Variants in SMARCA2 observed in about 807,000 individuals in gnomAD.
SMARCA2 encodes SWI/SNF-related matrix-associated actin-dependent regulator of chromatin subfamily A member 2.
In SMARCA2, 61 loss-of-function variants were observed where a neutral mutation model predicts 199.8. That is an observed-to-expected ratio of 0.31 (90% CI 0.25 to 0.38). SMARCA2 has a LOEUF of 0.38. Among genes scored for constraint, SMARCA2 ranks in the 10% least tolerant of loss-of-function variants. SMARCA2 has a pLI of 1.00. For synonymous variants in SMARCA2, 935 were observed against 732.0 expected, an observed-to-expected ratio of 1.28 and a Z score of -4.48; for missense variants, 1,344 against 2,012.2, an observed-to-expected ratio of 0.67 and a Z score of 6.35.
At chr9:2,177,426 T>C (rs1481026592) in intron 29 of SMARCA2, among the ~76,000 whole-genome samples, 2 of 152,210 alleles carry the variant, frequency 1.3e-5, no homozygotes, top group African/African-American at 2.4e-5. Flanking sequence ...CTATTAGCTA[T>C]TCTGGTCAAC....
chr9:2,193,404 T>C lies in SMARCA2; in HGVS notation c.*665T>C, dbSNP rs1028862776. ...GTTTTGTTGAAAGCGCTATTGAATA[T>C]TGCAATCTATATAGTGTATTGGATG... On this transcript the variant is annotated 3_prime_UTR_variant, in exon 34 of 34. Coordinates refer to ENST00000349721, the MANE Select transcript of SMARCA2 (RefSeq NM_003070.5). 1.3e-5 allele frequency: 2 copies of C among 152,722 alleles called. No individual in the cohort carries two copies. Among genetic ancestry groups the C allele is most frequent in the African/African-American group, 4.8e-5 (2 of 41,468 alleles). 9.5% of individuals were successfully genotyped at this position (152,722 alleles called of 1,614,324 possible).
At chr9:2,133,663 T>C (rs7049202) in intron 27 of SMARCA2, among the ~76,000 whole-genome samples, 1 of 150,106 alleles carries the variant, frequency 6.7e-6, no homozygotes, top group African/African-American at 2.4e-5. Context: ...AAAAAAAAAG[T>C]CTACATGAAG....
chr9:2,108,058 G>T (rs565301974), intron 23 of SMARCA2, among the ~76,000 whole-genome samples: 7 of 152,320 alleles, frequency 4.6e-5, no homozygotes, highest in African/African-American at 1.7e-4. Flanking sequence ...GGCATAGCCA[G>T]GGTTCATGGC....
intron 29 of SMARCA2, among the ~76,000 whole-genome samples, chr9:2,172,910 G>T (rs1207965939): frequency 1.3e-5 from 2 of 152,226 alleles, no homozygotes; most frequent in East Asian, 3.9e-4. Context: ...GATAGTCTGT[G>T]AAGGATGGAT....
At chr9:2,102,918 C>T (rs1437624768) in intron 22 of SMARCA2, among the ~76,000 whole-genome samples, 1 of 151,744 alleles carries the variant, frequency 6.6e-6, no homozygotes, top group Admixed American at 6.6e-5. Flanking sequence ...CTGTCTTCAT[C>T]TCCCAGTATT....
chr9:2,125,117 C>T (rs1029773158), intron 27 of SMARCA2, among the ~76,000 whole-genome samples: 3 of 152,060 alleles, frequency 2.0e-5, no homozygotes, highest in Admixed American at 1.3e-4. Context: ...GTCTTGTCAC[C>T]GCTTGAGATG....
At chr9:2,080,607 T>G (rs1821527338) in intron 14 of SMARCA2, among the ~76,000 whole-genome samples, 1 of 152,326 alleles carries the variant, frequency 6.6e-6, no homozygotes, top group South Asian at 2.1e-4. Flanking sequence ...TCCCTCTATC[T>G]TTTGCCCATT....
At chr9:2,066,828 G>C (rs1820858014) in intron 9 of SMARCA2, among the ~76,000 whole-genome samples, 1 of 152,220 alleles carries the variant, frequency 6.6e-6, no homozygotes, top group African/African-American at 2.4e-5. Context: ...ATTCACACCA[G>C]GACATTTCTT....
chr9:2,140,221 C>A (rs538757631), intron 27 of SMARCA2, among the ~76,000 whole-genome samples: 2 of 152,176 alleles, frequency 1.3e-5, no homozygotes, highest in Non-Finnish European at 2.9e-5. Context: ...ATAACAGATG[C>A]TAACAGGATC....
chr9:2,191,178 G>C, intron 32 of SMARCA2, 88 bp from the exon 33 acceptor site: 1 of 1,273,238 alleles, frequency 7.9e-7, no homozygotes, highest in Non-Finnish European at 1.1e-6. Flanking sequence ...TGTTTGTGTT[G>C]TCTGTAGGTT....
chr9:2,091,420 T>A (rs1347501857), intron 19 of SMARCA2, among the ~76,000 whole-genome samples: 2 of 152,266 alleles, frequency 1.3e-5, no homozygotes, highest in Non-Finnish European at 2.9e-5. Context: ...TGTTTCAGAT[T>A]CATCCATGTT....
At chr9:2,024,387 C>T (rs774025798) in intron 1 of SMARCA2, among the ~76,000 whole-genome samples, 4 of 152,046 alleles carry the variant, frequency 2.6e-5, no homozygotes, top group African/African-American at 7.2e-5. Flanking sequence ...TTGCTACTTA[C>T]GCACAAGTCT....
intron 27 of SMARCA2, among the ~76,000 whole-genome samples, chr9:2,138,256 G>T (rs1287207067): frequency 6.6e-6 from 1 of 151,726 alleles, no homozygotes. Flanking sequence ...TTAGTTTTGT[G>T]TGTTTTCCGT....
chr9:2,070,754 A>G (rs1479099114), intron 10 of SMARCA2, among the ~76,000 whole-genome samples: 1 of 152,218 alleles, frequency 6.6e-6, no homozygotes, highest in African/African-American at 2.4e-5. Context: ...AATATATAGG[A>G]TGTGTAAGAA....
At chr9:2,178,172 C>T (rs1166734539) in intron 29 of SMARCA2, among the ~76,000 whole-genome samples, 2 of 152,158 alleles carry the variant, frequency 1.3e-5, no homozygotes, top group African/African-American at 2.4e-5. Context: ...GGCCACGTCG[C>T]GGTGTCTGTT....
rs756891197 is a variant in SMARCA2 at position 2,039,871 on chromosome 9, C to T, written c.761C>T (p.Pro254Leu). The change falls in exon 4 of 34, where the codon CCG becomes CTG. Residue 254 changes from proline (P) to leucine (L), a missense_variant. By Grantham distance (98) the Pro-to-Leu change is moderately conservative (BLOSUM62 -3). This residue lies in a region of SMARCA2 where 117 missense variants were observed against 99.1 expected (regional missense o/e 1.18). Coordinates refer to ENST00000349721, the MANE Select transcript of SMARCA2 (RefSeq NM_003070.5). This position sits in a 1 kb window ranked among gnomAD's most constrained non-coding sequence, Gnocchi z 4.8. ...PQPQTQQQQQ[P>L]ALVNYNRPSG... Reference sequence around the variant, plus strand: ...CCACAGACGCAGCAACAACAGCAGCCGGCCCTTGTTAACTACAACAGACCA... The same window carrying T: ...CCACAGACGCAGCAACAACAGCAGCTGGCCCTTGTTAACTACAACAGACCA... 9.3e-6 allele frequency: 15 copies of T among 1,613,756 alleles called. No individual in the cohort carries two copies. The highest frequency in any genetic ancestry group is 2.2e-5 in the East Asian group (1 of 44,892).
intron 1 of SMARCA2, 22 bp from the exon 2 acceptor site, chr9:2,028,965 T>G (rs1818947917): frequency 1.3e-6 from 2 of 1,529,664 alleles, no homozygotes; most frequent in Non-Finnish European, 1.8e-6. Context: ...CATGCCTTCC[T>G]TTTTTCTGCT....
intron 5 of SMARCA2, 72 bp downstream of exon 5, chr9:2,047,556 G>A (rs1446004347): frequency 4.1e-6 from 5 of 1,223,224 alleles, no homozygotes; most frequent in Non-Finnish European, 5.2e-6. Context: ...GGGGGGTGAG[G>A]CGCCTGCCTC....
At chr9:2,062,253 T>C (rs575288431) in intron 9 of SMARCA2, among the ~76,000 whole-genome samples, 1 of 152,234 alleles carries the variant, frequency 6.6e-6, no homozygotes, top group Non-Finnish European at 1.5e-5. Context: ...ACTGACATAT[T>C]GATAGCAGAG....
Sources: allele counts gnomAD v4.1 joint callset (sites outside exome capture counted in the v4.1 genomes callset), GRCh38; gene constraint gnomAD v4.1.1; regional missense constraint gnomAD v4.1.1; non-coding constraint Gnocchi (gnomAD v3.1); transcripts MANE v1.5; gene names NCBI Gene and HGNC (gene_info 2026-07-23, HGNC 2026-07-21).